Variants in KAZN observed in about 807,000 individuals in gnomAD.
KAZN encodes kazrin, periplakin interacting protein, also known as kazrin.
Under a neutral mutation model 87.4 loss-of-function variants are expected in KAZN, and 40 were observed. The observed-to-expected ratio is 0.46, with a 90% confidence interval of 0.36 to 0.60. The LOEUF (loss-of-function observed/expected upper bound fraction) is 0.60. KAZN is among the 20% of genes least tolerant of loss of function. The pLI, the probability that KAZN is intolerant of heterozygous loss-of-function variation, is 0.00. For missense variants in KAZN, 898 were observed against 1,073.9 expected, an observed-to-expected ratio of 0.84 and a Z score of 2.29; for synonymous variants, 466 against 458.3, an observed-to-expected ratio of 1.02 and a Z score of -0.22.
At chr1:14,975,080 C>T (rs1665459037) in intron 2 of KAZN, among the ~76,000 whole-genome samples, 1 of 152,236 alleles carries the variant, frequency 6.6e-6, no homozygotes, top group African/African-American at 2.4e-5. Flanking sequence ...TCCCTGTGTG[C>T]TGGCCTCAGC....
At chr1:14,711,357 A>T (rs79857944) in intron 1 of KAZN, among the ~76,000 whole-genome samples, 3 of 151,726 alleles carry the variant, frequency 2.0e-5, no homozygotes, top group Non-Finnish European at 2.9e-5. Context: ...AAAAAAAAAA[A>T]TTGAGGGAAT....
chr1:14,542,114 C>T (rs752823491), intron 2 of KAZN, among the ~76,000 whole-genome samples: 13 of 152,130 alleles, frequency 8.5e-5, no homozygotes, highest in Non-Finnish European at 1.9e-4. Context: ...CCCACAGGCT[C>T]ATTTGCTCAC....
intron 1 of KAZN, among the ~76,000 whole-genome samples, chr1:14,150,981 C>A (rs952406064): frequency 6.6e-6 from 1 of 152,012 alleles, no homozygotes; most frequent in East Asian, 1.9e-4. Context: ...CACACACACA[C>A]GTGTGGGTGT....
intron 2 of KAZN, among the ~76,000 whole-genome samples, chr1:14,186,342 C>G (rs1249920879): frequency 6.6e-6 from 1 of 152,038 alleles, no homozygotes; most frequent in Non-Finnish European, 1.5e-5. Context: ...GTTAGGATTC[C>G]TTGGTTGTCA....
chr1:14,081,195 G>A (rs1476483039), intron 1 of KAZN, among the ~76,000 whole-genome samples: 1 of 151,904 alleles, frequency 6.6e-6, no homozygotes. Context: ...AAGCCTGCTG[G>A]CTATTAGTTG....
chr1:14,809,150 G>A (rs190340402), intron 1 of KAZN, among the ~76,000 whole-genome samples: 6 of 152,306 alleles, frequency 3.9e-5, no homozygotes, highest in South Asian at 2.1e-4. Flanking sequence ...GGAATGGGAC[G>A]CTGAGGGCCA....
chr1:14,528,885 A>C lies in KAZN; in HGVS notation c.250-70098A>C, dbSNP rs78605652. ...CCTCTGAACAAACTCCACTTTATTC[A>C]TGTCCCTCTCGCAGCCTCATTCCAC... On this transcript the variant is annotated intron_variant, in intron 2 of 16. Coordinates refer to the KAZN transcript ENST00000636203. Among the ~76,000 whole-genome samples the C allele has an allele frequency of 1.2e-4, 19 of 152,068 alleles. No homozygotes were observed. In the East Asian group the frequency reaches 3.5e-3, roughly 28 times the overall value.
At chr1:14,964,564 A>C (rs373930731) in intron 2 of KAZN, among the ~76,000 whole-genome samples, 21 of 152,302 alleles carry the variant, frequency 1.4e-4, no homozygotes, top group Admixed American at 3.9e-4. Context: ...GCACATGGTG[A>C]GTAAATTGCA....
intron 1 of KAZN, among the ~76,000 whole-genome samples, chr1:14,894,490 G>A (rs1045081178): frequency 2.0e-4 from 31 of 152,366 alleles, no homozygotes; most frequent in Admixed American, 3.9e-4. Flanking sequence ...GACGTCAAGG[G>A]TGTAGAGTGC....
intron 1 of KAZN, among the ~76,000 whole-genome samples, chr1:14,618,783 A>C (rs1678457332): frequency 6.6e-6 from 1 of 152,236 alleles, no homozygotes; most frequent in South Asian, 2.1e-4. Context: ...CACTGTGACA[A>C]GTACAGTGAT....
intron 1 of KAZN, among the ~76,000 whole-genome samples, chr1:14,607,275 G>T (rs1677446188): frequency 6.6e-6 from 1 of 152,138 alleles, no homozygotes; most frequent in African/African-American, 2.4e-5. Flanking sequence ...ACCTTATGAG[G>T]TAAGTACAGT....
chr1:14,325,570 C>T (rs145669114), intron 2 of KAZN, among the ~76,000 whole-genome samples: 1 of 151,690 alleles, frequency 6.6e-6, no homozygotes, highest in Non-Finnish European at 1.5e-5. Flanking sequence ...AAAGAATATT[C>T]AAAAAAATGG....
intron 1 of KAZN, among the ~76,000 whole-genome samples, chr1:14,851,009 G>A (rs899388806): frequency 6.6e-6 from 1 of 152,214 alleles, no homozygotes; most frequent in African/African-American, 2.4e-5. Flanking sequence ...CCTGCACAGT[G>A]CTGGGATCAG....
intron 2 of KAZN, among the ~76,000 whole-genome samples, chr1:15,004,616 G>C: frequency 1.3e-5 from 2 of 152,296 alleles, no homozygotes; most frequent in African/African-American, 4.8e-5. Flanking sequence ...TGGTCATTTT[G>C]TTTGCCGTCT....
intron 2 of KAZN, among the ~76,000 whole-genome samples, chr1:14,550,975 A>G (rs1331848192): frequency 1.3e-5 from 2 of 151,232 alleles, no homozygotes; most frequent in African/African-American, 2.4e-5. Flanking sequence ...CTCCTCCCCT[A>G]TCCCGGCTAC....
At chr1:14,511,349 A>G (rs1670896398) in intron 2 of KAZN, among the ~76,000 whole-genome samples, 1 of 152,190 alleles carries the variant, frequency 6.6e-6, no homozygotes, top group Admixed American at 6.5e-5. Flanking sequence ...AGCCAAGAAG[A>G]ATTTATTAGC....
chr1:13,989,793 C>T lies in KAZN; in HGVS notation c.91+96037C>T, dbSNP rs554833159. ...ACCTCATCAAGCTCATCTTTGATCC[C>T]GTGGAGAAGGATTGAAAAGAATTGC... On this transcript the variant is annotated intron_variant, in intron 1 of 16. Coordinates refer to the KAZN transcript ENST00000636203. Among the ~76,000 whole-genome samples the T allele has an allele frequency of 1.5e-4, 23 of 152,202 alleles. No homozygotes were observed. In the East Asian group the frequency reaches 3.5e-3, roughly 23 times the overall value.
intron 1 of KAZN, among the ~76,000 whole-genome samples, chr1:14,044,390 G>GC (rs5772559): frequency 0.55 from 83,492 of 151,648 alleles, 23,306 homozygotes; most frequent in East Asian, 0.7. Context: ...TCACTGTTCC[G>GC]CCCCCCACCA....
chr1:13,909,881 G>T (rs1300333572), intron 1 of KAZN, among the ~76,000 whole-genome samples: 1 of 152,146 alleles, frequency 6.6e-6, no homozygotes, highest in Non-Finnish European at 1.5e-5. Context: ...GCTGGCTTCA[G>T]GGAATCCGCT....
Sources: allele counts gnomAD v4.1 joint callset (sites outside exome capture counted in the v4.1 genomes callset), GRCh38; gene constraint gnomAD v4.1.1; transcripts MANE v1.5; gene names NCBI Gene and HGNC (gene_info 2026-07-23, HGNC 2026-07-21).